COL6A5: variants seen among roughly 807,000 people sequenced by gnomAD.
The protein encoded by COL6A5 is collagen type VI alpha 5 chain.
COL6A5 carries 48 observed loss-of-function variants against 65.6 expected under a neutral mutation model. The ratio of observed to expected loss-of-function variants is 0.73; its 90% CI spans 0.58 to 0.93. COL6A5 has a LOEUF of 0.93. COL6A5 is among the 40% of genes least tolerant of loss of function. The pLI is 0.00. For missense variants in COL6A5, 914 were observed against 928.3 expected (o/e 0.98, Z 0.20); for synonymous variants, 291 against 322.8 (o/e 0.90, Z 1.05).
intron 1 of COL6A5, among the ~76,000 whole-genome samples, chr3:130,371,741 T>C (rs578256554): frequency 6.6e-6 from 1 of 152,218 alleles, no homozygotes; most frequent in African/African-American, 2.4e-5. Context: ...AACATACAAG[T>C]AACTCTTCAT....
At chr3:130,352,912 T>C (rs1480706525) in intron 1 of COL6A5, among the ~76,000 whole-genome samples, 1 of 152,198 alleles carries the variant, frequency 6.6e-6, no homozygotes, top group East Asian at 1.9e-4. Flanking sequence ...GCAGGGTGCT[T>C]GATATCACTT....
Position 130,397,940 on chromosome 3 carries a change from C to T in COL6A5, c.3909+17C>T. 1 of 1,547,342 alleles carries T rather than the reference C, an allele frequency of 6.5e-7. No individual in the cohort carries two copies. Among genetic ancestry groups the T allele is most frequent in the Non-Finnish European group, 8.7e-7 (1 of 1,143,188 alleles). On this transcript the variant is annotated intron_variant and NMD_transcript_variant, in intron 9 of 41. Coordinates refer to the COL6A5 transcript ENST00000312481. ...CGGGGCCAGGTATCCATATTACATT[C>T]TATCTCCCATCTCCACATTCTCCCA...
chr3:130,376,600 C>A, exon 3 of COL6A5: 1 of 1,609,104 alleles, frequency 6.2e-7, no homozygotes, highest in Non-Finnish European at 8.5e-7. Context: ...CTGGCTTCGG[C>A]TGAGTCTGAG....
chr3:130,349,951 G>C (rs948342742), intron 1 of COL6A5, among the ~76,000 whole-genome samples: 2 of 152,208 alleles, frequency 1.3e-5, no homozygotes, highest in Admixed American at 1.3e-4. Context: ...ATGGTCCCAA[G>C]ATGGCAGTTG....
chr3:130,413,231 A>G (rs1036348241), intron 20 of COL6A5, among the ~76,000 whole-genome samples: 2 of 147,472 alleles, frequency 1.4e-5, no homozygotes, highest in Admixed American at 1.3e-4. Context: ...GATTTGCCGG[A>G]GAGGGAAATA....
chr3:130,473,924 T>A (rs955656920), intron 7 of COL6A5, among the ~76,000 whole-genome samples: 1 of 152,094 alleles, frequency 6.6e-6, no homozygotes, highest in Non-Finnish European at 1.5e-5. Context: ...TGTCTTAAGT[T>A]TTCATTTCTG....
At chr3:130,379,887 C>T (rs1471767298) in exon 4 of COL6A5, 2 of 1,551,250 alleles carry the variant, frequency 1.3e-6, no homozygotes, top group Admixed American at 3.9e-5. Flanking sequence ...CTAACAATAC[C>T]CAGTTAGAAG....
rs185514529 is a variant in COL6A5, at chr3:130,468,476, T to C, written c.1545-319T>C. Among the ~76,000 whole-genome samples the C allele has an allele frequency of 2.4e-4, 37 of 152,242 alleles. No homozygotes were observed. In the East Asian group the frequency reaches 7.0e-3, roughly 29 times the overall value. On this transcript the variant is annotated intron_variant, in intron 5 of 7. Transcript: ENST00000512836. ...AAGTTTTTTAGCCATGTGGAGTACA[T>C]TAAAAATGAGTGTTTCTCAACTTGC...
intron 4 of COL6A5, among the ~76,000 whole-genome samples, chr3:130,380,955 T>G (rs1935974234): frequency 1.3e-5 from 2 of 152,124 alleles, no homozygotes; most frequent in African/African-American, 4.8e-5. Flanking sequence ...GTGGTCTTAA[T>G]TCCTAGGATC....
At chr3:130,391,562 C>A in exon 7 of COL6A5, 1 of 1,551,642 alleles carries the variant, frequency 6.4e-7, no homozygotes, top group Non-Finnish European at 8.7e-7. Context: ...CCATGATCAG[C>A]TCAATGACAC....
At chr3:130,453,971 A>G (rs778998352) in intron 4 of COL6A5, among the ~76,000 whole-genome samples, 4 of 152,186 alleles carry the variant, frequency 2.6e-5, no homozygotes, top group Non-Finnish European at 5.9e-5. Flanking sequence ...TCTTATGTGA[A>G]GCAGTGTTTC....
Position 130,362,367 on chromosome 3 carries a change from T to C in COL6A5, c.-28-11244T>C, listed in dbSNP as rs569415189. 2.1e-5 allele frequency among the ~76,000 whole-genome samples: 3 copies of C among 143,464 alleles called. No homozygotes were observed. The South Asian group carries it at 6.7e-4, about 32-fold the overall frequency. 94.1% of individuals were successfully genotyped at this position (143,464 alleles called of 152,430 possible). On this transcript the variant is annotated intron_variant and NMD_transcript_variant, in intron 1 of 41. Coordinates refer to the COL6A5 transcript ENST00000312481. The stretch of plus-strand genomic sequence containing the variant: ...TTTTTTGCATGTGGATGTCTGGTTG[T>C]TTCAGCACTGTTTGTTGAAAAAACT...
intron 6 of COL6A5, among the ~76,000 whole-genome samples, chr3:130,469,759 A>G (rs183291927): frequency 1.1e-4 from 17 of 152,178 alleles, no homozygotes; most frequent in African/African-American, 3.1e-4. Flanking sequence ...GGTTCTTTAA[A>G]TTGATTGTGT....
In COL6A5 at chr3:130,360,443, C is replaced by T. The variant is rs116906080; in HGVS notation, c.-28-13168C>T. 2.5e-3 allele frequency among the ~76,000 whole-genome samples: 377 copies of T among 152,148 alleles called. 7 individuals carry two copies. Among genetic ancestry groups the T allele is most frequent in the East Asian group, 0.013 (67 of 5,192 alleles). ...TTGATCATATACTGATTTTAAGATG[C>T]AGGCAGCATTCGACTAATGTAGATT... is the stretch of plus-strand genomic sequence containing the variant. On this transcript the variant is annotated intron_variant and NMD_transcript_variant, in intron 1 of 41. Coordinates refer to the COL6A5 transcript ENST00000312481.
intron 7 of COL6A5, among the ~76,000 whole-genome samples, chr3:130,480,970 A>G (rs1233439088): frequency 2.0e-5 from 3 of 152,146 alleles, no homozygotes; most frequent in African/African-American, 7.2e-5. Flanking sequence ...CTGATCCTTC[A>G]AGGAAACGCA....
At chr3:130,433,077 A>G (rs1333051455) in intron 1 of COL6A5, among the ~76,000 whole-genome samples, 1 of 152,186 alleles carries the variant, frequency 6.6e-6, no homozygotes, top group African/African-American at 2.4e-5. Context: ...TCTCTCTATA[A>G]CATGGAGAGA....
At position 130,413,665 on chromosome 3, in the gene COL6A5, A is replaced by C. The variant is rs2219026; in HGVS notation, c.4698+85A>C. The C allele has an allele frequency of 5.8e-6, 8 of 1,368,324 alleles. No individual in the cohort carries two copies. The Admixed American group carries it at 1.4e-4, about 24-fold the overall frequency. 84.8% of individuals were successfully genotyped at this position (1,368,324 alleles called of 1,614,324 possible). The stretch of plus-strand genomic sequence containing the variant: ...GTAGGTGGTGCTGGGAATCATATCA[A>C]TGAGCATTTTACAAGGGTATAGGAA... On this transcript the variant is annotated intron_variant and NMD_transcript_variant, in intron 21 of 41. Coordinates refer to the COL6A5 transcript ENST00000312481.
intron 8 of COL6A5, among the ~76,000 whole-genome samples, 185 bp downstream of exon 8, chr3:130,395,650 C>A (rs1936573744): frequency 6.6e-6 from 1 of 152,184 alleles, no homozygotes; most frequent in African/African-American, 2.4e-5. Flanking sequence ...CTCAGCCTCC[C>A]TCAAAGACAT....
chr3:130,468,909 T>C (rs1252754767), exon 6 of COL6A5: 2 of 1,612,072 alleles, frequency 1.2e-6, no homozygotes, highest in African/African-American at 2.7e-5. Context: ...TCCCAAAGAG[T>C]AGGAAGTGAT....
Sources: allele counts gnomAD v4.1 joint callset (sites outside exome capture counted in the v4.1 genomes callset), GRCh38; gene constraint gnomAD v4.1.1; transcripts MANE v1.5; gene names NCBI Gene and HGNC (gene_info 2026-07-23, HGNC 2026-07-21).